SLC25A21: variants seen among roughly 807,000 people sequenced by gnomAD.
The protein encoded by SLC25A21 is mitochondrial 2-oxodicarboxylate carrier.
In SLC25A21, 47 loss-of-function variants were observed where a neutral mutation model predicts 43.8. The observed-to-expected ratio is 1.07, with a 90% CI of 0.85 to 1.37. The LOEUF (loss-of-function observed/expected upper bound fraction) is 1.37. SLC25A21 is among the 40% of genes most tolerant of loss of function. SLC25A21 has a pLI of 0.00. For missense variants in SLC25A21, 352 were observed against 350.2 expected (o/e 1.00, Z -0.04); for synonymous variants, 131 against 121.3 (o/e 1.08, Z -0.52).
At chr14:36,931,939 A>T (rs1457213084) in intron 1 of SLC25A21, among the ~76,000 whole-genome samples, 1 of 152,154 alleles carries the variant, frequency 6.6e-6, no homozygotes, top group Admixed American at 6.6e-5. Context: ...TTGCAAATCA[A>T]GGGATATAGT....
At chr14:36,751,514 C>T (rs974788179) in intron 3 of SLC25A21, among the ~76,000 whole-genome samples, 5 of 152,258 alleles carry the variant, frequency 3.3e-5, no homozygotes, top group South Asian at 4.1e-4. Flanking sequence ...AGAAAAAGGA[C>T]CTGAGAATTA....
At chr14:36,906,723 C>T (rs1891545609) in intron 1 of SLC25A21, among the ~76,000 whole-genome samples, 1 of 152,014 alleles carries the variant, frequency 6.6e-6, no homozygotes, top group Admixed American at 6.6e-5. Context: ...CCAGGATGGT[C>T]TCGATCTCCT....
chr14:37,006,783 T>C (rs1351531898), intron 1 of SLC25A21, among the ~76,000 whole-genome samples: 1 of 152,176 alleles, frequency 6.6e-6, no homozygotes, highest in Non-Finnish European at 1.5e-5. Flanking sequence ...TGATGTCATA[T>C]CTGATAAGTG....
At chr14:36,794,450 C>CAGCT (rs1416485032) in intron 3 of SLC25A21, among the ~76,000 whole-genome samples, 1 of 152,002 alleles carries the variant, frequency 6.6e-6, no homozygotes, top group Non-Finnish European at 1.5e-5. Context: ...TTTTATTGTA[C>CAGCT]AGCTGCTTAT....
intron 2 of SLC25A21, among the ~76,000 whole-genome samples, chr14:36,856,717 C>T (rs952073868): frequency 6.6e-6 from 1 of 152,214 alleles, no homozygotes. Context: ...AAGGGCTATC[C>T]ATTGAGCAAT....
rs147219208 is a variant in SLC25A21, at chr14:36,968,363, C to G, written c.71-93359G>C. On this transcript the variant is annotated intron_variant, in intron 1 of 9. Coordinates refer to ENST00000331299, the MANE Select transcript of SLC25A21 (RefSeq NM_030631.4). ...AAGTCACTGGTGAGTCACAGTCAGT[C>G]ATTCCTGACAAGCCCGGCTTATTAT... 4.9e-4 allele frequency among the ~76,000 whole-genome samples: 75 copies of G among 152,260 alleles called. 1 individual carries two copies. The highest frequency in any genetic ancestry group is 1.8e-3 in the African/African-American group (74 of 41,542).
chr14:37,153,560 T>C (rs1211417197), intron 1 of SLC25A21, among the ~76,000 whole-genome samples: 8 of 152,148 alleles, frequency 5.3e-5, no homozygotes, highest in African/African-American at 1.7e-4. Context: ...ACTGCCAGGG[T>C]AGGGGGTGAA....
chr14:37,090,174 A>G (rs1381101535), intron 1 of SLC25A21, among the ~76,000 whole-genome samples: 1 of 152,194 alleles, frequency 6.6e-6, no homozygotes, highest in Non-Finnish European at 1.5e-5. Flanking sequence ...CTCAGGCAAT[A>G]TTCTCCTTTA....
chr14:37,135,950 CTAT>C (rs1394721721), intron 1 of SLC25A21, among the ~76,000 whole-genome samples: 5 of 152,238 alleles, frequency 3.3e-5, no homozygotes, highest in Non-Finnish European at 7.3e-5. Flanking sequence ...ATGATAGTAA[CTAT>C]TATTATCACT....
intron 1 of SLC25A21, among the ~76,000 whole-genome samples, chr14:36,889,486 A>G (rs941619621): frequency 3.0e-4 from 45 of 152,142 alleles, no homozygotes; most frequent in African/African-American, 1.1e-3. Context: ...TAATCAATTA[A>G]TTAATTTGAT....
chr14:37,091,104 A>G (rs1962576366), intron 1 of SLC25A21, among the ~76,000 whole-genome samples: 1 of 152,200 alleles, frequency 6.6e-6, no homozygotes, highest in African/African-American at 2.4e-5. Flanking sequence ...TACCTGACAC[A>G]CAGATTTTCT....
intron 1 of SLC25A21, among the ~76,000 whole-genome samples, chr14:36,938,028 G>T (rs150177551): frequency 6.6e-6 from 1 of 151,866 alleles, no homozygotes; most frequent in East Asian, 1.9e-4. Context: ...TTTTTTAATG[G>T]CAACTCGATA....
chr14:36,892,617 A>G (rs1350944363), intron 1 of SLC25A21, among the ~76,000 whole-genome samples: 1 of 151,994 alleles, frequency 6.6e-6, no homozygotes, highest in Non-Finnish European at 1.5e-5. Context: ...TTACATATGT[A>G]TACATGTGCC....
chr14:36,810,199 A>G (rs1392296148), intron 3 of SLC25A21, among the ~76,000 whole-genome samples: 1 of 152,194 alleles, frequency 6.6e-6, no homozygotes, highest in Non-Finnish European at 1.5e-5. Context: ...TTTGCTCTAG[A>G]AGCAATTATA....
At chr14:37,167,025 T>C (rs994761351) in intron 1 of SLC25A21, among the ~76,000 whole-genome samples, 3 of 151,926 alleles carry the variant, frequency 2.0e-5, no homozygotes, top group Non-Finnish European at 2.9e-5. Context: ...AAGTAAGGGG[T>C]AAGACATTCT....
At position 36,819,169 on chromosome 14, in the gene SLC25A21, A is replaced by G. The variant is rs148370394; in HGVS notation, c.120-5168T>C. ...GAATGTGGCTCAAACCCTAGGCTGC[A>G]TTGCAAAGGAGCCAGATACCTATCT... On this transcript the variant is annotated intron_variant, in intron 2 of 9. Coordinates refer to ENST00000331299, the MANE Select transcript of SLC25A21 (RefSeq NM_030631.4). 7.9e-4 allele frequency among the ~76,000 whole-genome samples: 120 copies of G among 152,266 alleles called. 1 individual carries two copies. Among genetic ancestry groups the G allele is most frequent in the South Asian group, 1.2e-3 (6 of 4,826 alleles).
intron 7 of SLC25A21, among the ~76,000 whole-genome samples, chr14:36,705,714 C>A (rs760637357): frequency 6.6e-6 from 1 of 152,100 alleles, no homozygotes; most frequent in East Asian, 1.9e-4. Context: ...CACTGTAAGA[C>A]ATTTATAGAT....
At chr14:36,867,555 T>G (rs1295627643) in intron 2 of SLC25A21, among the ~76,000 whole-genome samples, 7 of 152,124 alleles carry the variant, frequency 4.6e-5, no homozygotes, top group Non-Finnish European at 1.0e-4. Context: ...ACCAAGGCTC[T>G]TCTGCCCAGA....
chr14:37,056,159 C>A lies in SLC25A21; in HGVS notation c.70+116122G>T, dbSNP rs145552562. 3.0e-3 allele frequency among the ~76,000 whole-genome samples: 452 copies of A among 152,220 alleles called. 9 individuals are homozygous for A. The highest frequency in any genetic ancestry group is 0.023 in the Admixed American group (352 of 15,282). The stretch of plus-strand genomic sequence containing the variant: ...CCTCAGGCCTACCCAGAAACAGAAG[C>A]CTATATAGCCTTCAATTAAACTTCT... On this transcript the variant is annotated intron_variant, in intron 1 of 9. Coordinates refer to ENST00000331299, the MANE Select transcript of SLC25A21 (RefSeq NM_030631.4).
Sources: allele counts gnomAD v4.1 joint callset (sites outside exome capture counted in the v4.1 genomes callset), GRCh38; gene constraint gnomAD v4.1.1; transcripts MANE v1.5; gene names NCBI Gene and HGNC (gene_info 2026-07-23, HGNC 2026-07-21).